Variants in ZFHX4 observed in about 807,000 individuals in gnomAD.
ZFHX4 encodes the protein zinc finger homeobox 4, also known as zinc finger homeobox protein 4.
In ZFHX4, 56 loss-of-function variants were observed where a neutral mutation model predicts 267.6. The observed-to-expected ratio is 0.21, with a 90% CI of 0.17 to 0.26. The LOEUF (loss-of-function observed/expected upper bound fraction) is 0.26, where lower values mean the gene tolerates loss of function less well. Among genes scored for constraint, ZFHX4 ranks in the 10% least tolerant of loss-of-function variants. ZFHX4 has a pLI of 1.00. For missense variants in ZFHX4, 4,332 were observed against 4,420.0 expected (o/e 0.98, Z 0.56); for synonymous variants, 1,778 against 1,665.6 (o/e 1.07, Z -1.64).
chr8:76,691,765 G>T (rs1042460241), intron 1 of ZFHX4, among the ~76,000 whole-genome samples: 7 of 152,064 alleles, frequency 4.6e-5, no homozygotes, highest in Admixed American at 1.3e-4. Flanking sequence ...ATAAGATAAA[G>T]TGTTGTGAAC....
Position 76,754,911 on chromosome 8 carries a change from C to T in ZFHX4, c.3094-23297C>T, listed in dbSNP as rs1016637730. ...CTTCAATGAGATCATGTTTCTTTAG[C>T]TCCCACATATGAGTGAGAACAGGCA... On this transcript the variant is annotated intron_variant, in intron 3 of 10. Transcript: ENST00000651372. Among the ~76,000 whole-genome samples, 33 of 152,258 alleles carry T rather than the reference C, an allele frequency of 2.2e-4. 1 individual carries two copies. Among genetic ancestry groups the T allele is most frequent in the Admixed American group, 2.0e-3 (30 of 15,280 alleles).
intron 3 of ZFHX4, among the ~76,000 whole-genome samples, chr8:76,770,866 G>T (rs998115730): frequency 6.6e-6 from 1 of 152,136 alleles, no homozygotes; most frequent in Non-Finnish European, 1.5e-5. Flanking sequence ...CTAAAATCAG[G>T]ATAGTTGGAG....
At chr8:76,760,568 G>C (rs73233408) in intron 3 of ZFHX4, among the ~76,000 whole-genome samples, 2,591 of 152,208 alleles carry the variant, frequency 0.017, 79 homozygotes, top group African/African-American at 0.058. Flanking sequence ...TAATGGAAGA[G>C]TTTAATCTCC....
Position 76,851,071 on chromosome 8 carries a change from A to T in ZFHX4, c.4150A>T (p.Arg1384Trp). ...AGATCAATTAAATGAACAGCAAAAA[A>T]GGCAACCGCTCTCTGTTTCTGACCG... ...LQDQLNEQQK[R>W]QPLSVSDRHV... Residue 1384 changes from arginine (R) to tryptophan (W), a missense_variant, in exon 10 of 11, where the codon AGG (arginine) becomes TGG (tryptophan). Coordinates refer to ENST00000651372, the MANE Select transcript of ZFHX4 (RefSeq NM_024721.5). 6.2e-7 allele frequency: 1 copy of T among 1,614,000 alleles called. No homozygotes were observed. The highest frequency in any genetic ancestry group is 8.5e-7 in the Non-Finnish European group (1 of 1,179,880).
Position 76,708,065 on chromosome 8 carries a change from A to G in ZFHX4, c.3093+17A>G. The G allele has an allele frequency of 6.2e-7, 1 of 1,611,726 alleles. No homozygotes were observed. ...CTCTACAAGGTAAGCAGTGACATCC[A>G]TTTCCGTTGGCACAGAGTAGAAAAG... On this transcript the variant is annotated intron_variant, in intron 3 of 10. Transcript: ENST00000651372.
At chr8:76,708,120 A>G (rs766513656) in intron 3 of ZFHX4, 72 bp downstream of exon 3, 1 of 1,587,168 alleles carries the variant, frequency 6.3e-7, no homozygotes. Context: ...CTTGGAGCAC[A>G]AGTCTCCAAC....
intron 1 of ZFHX4, among the ~76,000 whole-genome samples, chr8:76,701,668 C>G (rs906231327): frequency 2.6e-5 from 4 of 152,126 alleles, no homozygotes; most frequent in African/African-American, 9.7e-5. Flanking sequence ...TAGCTAGTGA[C>G]TGTATTTGTG....
rs1394179709 is a variant in ZFHX4, at chr8:76,863,614, C to T, written c.9900C>T (p.Gly3300=). 1.1e-5 allele frequency: 17 copies of T among 1,613,414 alleles called. 1 individual carries two copies. In the South Asian group the frequency reaches 1.4e-4, roughly 14 times the overall value. ...GCATGGAGAGCCTCTTTCCTTATGG[C>T]CCTACAATGCCCCAGACACTGGCAG... The part of the protein sequence containing the change: ...VCGMESLFPY[G]PTMPQTLAGL... Residue 3300 remains glycine, a synonymous_variant, in exon 11 of 11, where the codon GGC becomes GGT. Coordinates refer to ENST00000651372, the MANE Select transcript of ZFHX4 (RefSeq NM_024721.5).
intron 1 of ZFHX4, among the ~76,000 whole-genome samples, chr8:76,697,154 A>G (rs1486528145): frequency 1.3e-5 from 2 of 152,024 alleles, no homozygotes; most frequent in Non-Finnish European, 2.9e-5. Context: ...AAATAATTAT[A>G]CAATTGTTTT....
intron 4 of ZFHX4, among the ~76,000 whole-genome samples, chr8:76,828,766 A>T (rs901384198): frequency 3.3e-5 from 5 of 152,050 alleles, no homozygotes; most frequent in African/African-American, 4.8e-5. Context: ...TATGCAATTT[A>T]AAAAAAAGTA....
Position 76,704,557 on chromosome 8 carries a change from A to T in ZFHX4, c.469A>T (p.Asn157Tyr). ...TGGGCAGAATGCACAGACTGGGGCAAATAGCAAACTCTTTTCTACAGCGAT... is the reference window on the plus strand; with the variant it reads ...TGGGCAGAATGCACAGACTGGGGCATATAGCAAACTCTTTTCTACAGCGAT... ...ESGQNAQTGANSKLFSTAMFL... is the reference protein window; with the variant it reads ...ESGQNAQTGAYSKLFSTAMFL... Residue 157 changes from asparagine (N) to tyrosine (Y), a missense_variant, in exon 2 of 11, where the codon AAT (asparagine) becomes TAT (tyrosine). Around this residue, in one of 7 missense-constraint regions of ZFHX4, gnomAD observed 1,195 missense variants for 1,173.6 expected, o/e 1.02. Coordinates refer to ENST00000651372, the MANE Select transcript of ZFHX4 (RefSeq NM_024721.5). 6.2e-7 allele frequency: 1 copy of T among 1,613,970 alleles called. No homozygotes were observed. The highest frequency in any genetic ancestry group is 1.1e-5 in the South Asian group (1 of 91,082).
At chr8:76,724,677 GA>G (rs1476108490) in intron 3 of ZFHX4, among the ~76,000 whole-genome samples, 1 of 152,026 alleles carries the variant, frequency 6.6e-6, no homozygotes, top group African/African-American at 2.4e-5. Context: ...AATTTTGTAA[GA>G]ATATCTTTTG....
rs1259452758 is a variant in ZFHX4 at position 76,853,279 on chromosome 8, G to T, written c.6358G>T (p.Asp2120Tyr). Reference sequence around the variant, plus strand: ...ACTTTGCCAGCAGCAGCTCGGATTAGATCCCAACTTCTTAAGACATTCTCA... The same window carrying T: ...ACTTTGCCAGCAGCAGCTCGGATTATATCCCAACTTCTTAAGACATTCTCA... ...TQLCQQQLGL[D>Y]PNFLRHSQFK... The change falls in exon 10 of 11, where the codon GAT becomes TAT. Residue 2120 changes from aspartate to tyrosine, a missense_variant. Transcript: ENST00000651372. 6.2e-7 allele frequency: 1 copy of T among 1,604,288 alleles called. No individual in the cohort carries two copies. The highest frequency in any genetic ancestry group is 8.5e-7 in the Non-Finnish European group (1 of 1,174,982).
intron 5 of ZFHX4, among the ~76,000 whole-genome samples, chr8:76,839,533 T>A (rs1471088862): frequency 6.6e-6 from 1 of 152,236 alleles, no homozygotes; most frequent in Non-Finnish European, 1.5e-5. Flanking sequence ...ATTTTCTGTA[T>A]TTCATGAGGC....
At chr8:76,729,540 A>G (rs1585888770) in intron 3 of ZFHX4, among the ~76,000 whole-genome samples, 1 of 152,134 alleles carries the variant, frequency 6.6e-6, no homozygotes, top group Non-Finnish European at 1.5e-5. Context: ...AATTTCAGTG[A>G]CATATTATTC....
chr8:76,810,265 G>A (rs910912462), intron 4 of ZFHX4, among the ~76,000 whole-genome samples: 1 of 152,276 alleles, frequency 6.6e-6, no homozygotes, highest in South Asian at 2.1e-4. Context: ...AAATGGCGGG[G>A]TATCATTAGT....
chr8:76,797,351 A>G (rs150726508), intron 4 of ZFHX4, among the ~76,000 whole-genome samples: 1 of 152,218 alleles, frequency 6.6e-6, no homozygotes, highest in South Asian at 2.1e-4. Context: ...AAGAGATTTC[A>G]TATGTATAAC....
intron 3 of ZFHX4, among the ~76,000 whole-genome samples, chr8:76,712,449 A>G (rs986909730): frequency 1.3e-5 from 2 of 152,130 alleles, no homozygotes; most frequent in Admixed American, 1.3e-4. Flanking sequence ...ATTAACAGTC[A>G]CAGGTATTTT....
chr8:76,803,389 T>A (rs1811168494), intron 4 of ZFHX4, among the ~76,000 whole-genome samples: 1 of 152,124 alleles, frequency 6.6e-6, no homozygotes, highest in Non-Finnish European at 1.5e-5. Context: ...GAATTTAATA[T>A]TTATCCTTGT....
Sources: allele counts gnomAD v4.1 joint callset (sites outside exome capture counted in the v4.1 genomes callset), GRCh38; gene constraint gnomAD v4.1.1; regional missense constraint gnomAD v4.1.1; transcripts MANE v1.5; gene names NCBI Gene and HGNC (gene_info 2026-07-23, HGNC 2026-07-21).